The following ZSWIM3 variants were observed in gnomAD, a reference collection of about 807,000 sequenced individuals.
ZSWIM3 encodes zinc finger SWIM domain-containing protein 3.
In ZSWIM3, 27 loss-of-function variants were observed where a neutral mutation model predicts 47.5. The ratio of observed to expected loss-of-function variants is 0.57; its 90% CI spans 0.42 to 0.78. The LOEUF is 0.78. Ranked by LOEUF, ZSWIM3 falls within the 30% of genes least tolerant of loss-of-function variation. The pLI, the probability that ZSWIM3 is intolerant of heterozygous loss-of-function variation, is 0.00. For synonymous variants in ZSWIM3, 333 were observed against 333.9 expected (o/e 1.00, Z 0.03); for missense variants, 689 against 861.3 (o/e 0.80, Z 2.50).
rs1365750948 is a variant in ZSWIM3, at chr20:45,875,475, T to G, written c.156-1239T>G. 1.4e-4 allele frequency among the ~76,000 whole-genome samples: 7 copies of G among 50,114 alleles called. No homozygotes were observed. In the East Asian group the frequency reaches 1.9e-3, roughly 13 times the overall value. 32.9% of individuals were successfully genotyped at this position (50,114 alleles called of 152,430 possible). A position where few individuals can be genotyped will look rare whatever the true frequency, so the allele number is the denominator to read the frequency against. ...TAGCACCCAGCCTTCCTTCTTTCCT[T>G]AATTCTATTTTTTTTTTTGTTTGTT... On this transcript the variant is annotated intron_variant, in intron 1 of 1. Coordinates refer to ENST00000255152, the MANE Select transcript of ZSWIM3 (RefSeq NM_080752.4).
At position 45,875,482 on chromosome 20, in the gene ZSWIM3, ATT is replaced by A. The variant is rs11476581; in HGVS notation, c.156-1222_156-1221del. Among the ~76,000 whole-genome samples, 44 of 150,810 alleles carry A rather than the reference ATT, an allele frequency of 2.9e-4. 1 individual carries two copies. The highest frequency in any genetic ancestry group is 1.2e-3 in the East Asian group (6 of 5,080). Reference sequence around the variant, plus strand: ...CAGCCTTCCTTCTTTCCTTAATTCTATTTTTTTTTTTGTTTGTTTGTTTATTT... The same window carrying A: ...CAGCCTTCCTTCTTTCCTTAATTCTATTTTTTTTTGTTTGTTTGTTTATTT... On this transcript the variant is annotated intron_variant, in intron 1 of 1. Transcript: ENST00000255152.
At chr20:45,870,909 G>T (rs551776427) in intron 1 of ZSWIM3, among the ~76,000 whole-genome samples, 113 of 152,154 alleles carry the variant, frequency 7.4e-4, no homozygotes, top group Non-Finnish European at 1.4e-3. Context: ...TGGCCAGGCT[G>T]GTCATGAACT....
chr20:45,865,779 C>G lies in ZSWIM3; in HGVS notation c.155+7799C>G, dbSNP rs190190595. 2.6e-4 allele frequency among the ~76,000 whole-genome samples: 40 copies of G among 151,862 alleles called. No individual in the cohort carries two copies. The East Asian group carries it at 7.8e-3, about 29-fold the overall frequency. ...TTGAGAGGCCGAGGCGGGCAGATCA[C>G]GAGGTCAGGAGATTGAGACCATCCT... On this transcript the variant is annotated intron_variant, in intron 1 of 1. Coordinates refer to ENST00000255152, the MANE Select transcript of ZSWIM3 (RefSeq NM_080752.4).
In ZSWIM3 at chr20:45,870,461, G is replaced by A. The variant is rs1394538874; in HGVS notation, c.156-6253G>A. Among the ~76,000 whole-genome samples, 3 of 152,114 alleles carry A rather than the reference G, an allele frequency of 2.0e-5. No homozygotes were observed. The East Asian group carries it at 5.8e-4, about 29-fold the overall frequency. ...ACCTTAATTGACTTAGATTAGCCCT[G>A]AAGCATGTAGTGATGTGGGGGAGGA... On this transcript the variant is annotated intron_variant, in intron 1 of 1. Coordinates refer to ENST00000255152, the MANE Select transcript of ZSWIM3 (RefSeq NM_080752.4).
chr20:45,873,651 A>G (rs942570775), intron 1 of ZSWIM3, among the ~76,000 whole-genome samples: 9 of 152,356 alleles, frequency 5.9e-5, no homozygotes, highest in Non-Finnish European at 8.8e-5. Flanking sequence ...AATAACAACC[A>G]TAAGATTATC....
chr20:45,865,039 C>T (rs1370421191), intron 1 of ZSWIM3, among the ~76,000 whole-genome samples: 1 of 151,914 alleles, frequency 6.6e-6, no homozygotes, highest in African/African-American at 2.4e-5. Flanking sequence ...GGCATGTAGC[C>T]GGGGCGCAGT....
chr20:45,860,625 T>A (rs910784379), intron 1 of ZSWIM3, among the ~76,000 whole-genome samples: 1 of 151,970 alleles, frequency 6.6e-6, no homozygotes, highest in African/African-American at 2.4e-5. Context: ...AAGCCAGCAG[T>A]AGCAGGTTGA....
rs750376917 is a variant in ZSWIM3, at chr20:45,878,607, AGG to A, written c.2052_2053del (p.Glu685GlyfsTer17). ...CTTTCCTCTGGGGAAAGCAAGAAGA[AGG>A]GGAGGGATTCCCTCCTGCTACAGCT... ...LPFLWGKQEE[G>X]EGFPPATAVM... On this transcript the variant is annotated frameshift_variant, in exon 2 of 2. Transcript: ENST00000255152. LOFTEE classifies it high-confidence loss of function. 6.2e-7 allele frequency: 1 copy of A among 1,612,816 alleles called. No individual in the cohort carries two copies. The highest frequency in any genetic ancestry group is 8.5e-7 in the Non-Finnish European group (1 of 1,178,992).
intron 1 of ZSWIM3, among the ~76,000 whole-genome samples, chr20:45,874,249 C>T (rs757962106): frequency 1.3e-5 from 2 of 152,186 alleles, no homozygotes; most frequent in Non-Finnish European, 2.9e-5. Context: ...CGGTGGCTCA[C>T]GCCTGTAATC....
In ZSWIM3 at chr20:45,876,818, G is replaced by A. The variant is rs200339235; in HGVS notation, c.260G>A (p.Arg87Lys). ...PAYLLLRYNE[R>K]LDRLFISELN... ...TACTTGCTCCTAAGGTACAACGAGA[G>A]ACTAGATAGACTATTTATCAGTGAA... The change falls in exon 2 of 2, where the codon AGA becomes AAA. Residue 87 changes from arginine to lysine, a missense_variant. Coordinates refer to ENST00000255152, the MANE Select transcript of ZSWIM3 (RefSeq NM_080752.4). The A allele has an allele frequency of 1.7e-4, 278 of 1,614,058 alleles. 1 individual carries two copies. Among genetic ancestry groups the A allele is most frequent in the Non-Finnish European group, 2.3e-5 (27 of 1,180,040 alleles).
At chr20:45,859,438 A>AAAAAG (rs71181868) in intron 1 of ZSWIM3, among the ~76,000 whole-genome samples, 5,175 of 146,592 alleles carry the variant, frequency 0.035, 228 homozygotes, top group East Asian at 0.12. Context: ...AAAAAAAAAA[A>AAAAAG]AAGAAATGTA....
rs74176833 is a variant in ZSWIM3 at position 45,870,063 on chromosome 20, AG to A, written c.156-6650del. Among the ~76,000 whole-genome samples, 281 of 145,866 alleles carry A rather than the reference AG, an allele frequency of 1.9e-3. 14 individuals are homozygous for A. The highest frequency in any genetic ancestry group is 1.7e-3 in the Non-Finnish European group (114 of 65,872). ...CGTCTCAAGAAAAAAAAAAAAAAAAAGAAAAGGCCAAGCGTGGTGGCTGTAA... is the reference window on the plus strand; with the variant it reads ...CGTCTCAAGAAAAAAAAAAAAAAAAAAAAAGGCCAAGCGTGGTGGCTGTAA... On this transcript the variant is annotated intron_variant, in intron 1 of 1. Transcript: ENST00000255152.
chr20:45,861,833 T>G (rs1985715712), intron 1 of ZSWIM3, among the ~76,000 whole-genome samples: 1 of 151,986 alleles, frequency 6.6e-6, no homozygotes, highest in Admixed American at 6.6e-5. Context: ...TCCTCCTGCC[T>G]CAGCCTCCCA....
Position 45,877,643 on chromosome 20 carries a change from T to G in ZSWIM3, c.1085T>G (p.Leu362Arg). 1.2e-6 allele frequency: 2 copies of G among 1,614,204 alleles called. No individual in the cohort carries two copies. The highest frequency in any genetic ancestry group is 1.7e-6 in the Non-Finnish European group (2 of 1,180,026). Residue 362 changes from leucine (L) to arginine (R), a missense_variant, in exon 2 of 2, where the codon CTC becomes CGC. Coordinates refer to ENST00000255152, the MANE Select transcript of ZSWIM3 (RefSeq NM_080752.4). ...TCCCAGGCCGTACTGGATGAGGATC[T>G]CTTCAACTTCCTGCAGGCCCACTGG... ...QMSQAVLDED[L>R]FNFLQAHWFT...
At chr20:45,864,295 G>A (rs544258797) in intron 1 of ZSWIM3, among the ~76,000 whole-genome samples, 1 of 152,306 alleles carries the variant, frequency 6.6e-6, no homozygotes, top group East Asian at 1.9e-4. Context: ...CAAGTTGACT[G>A]CTGGTTGTGA....
At position 45,878,598 on chromosome 20, in the gene ZSWIM3, G is replaced by C; in HGVS notation, c.2040G>C (p.Lys680Asn). 6.2e-7 allele frequency: 1 copy of C among 1,613,426 alleles called. No individual in the cohort carries two copies. The highest frequency in any genetic ancestry group is 8.5e-7 in the Non-Finnish European group (1 of 1,179,474). ...DVGRLPFLWGKQEEGEGFPPA... is the reference protein window; with the variant it reads ...DVGRLPFLWGNQEEGEGFPPA... ...GCCGCCTCCCTTTCCTCTGGGGAAAGCAAGAAGAAGGGGAGGGATTCCCTC... is the reference window on the plus strand; with the variant it reads ...GCCGCCTCCCTTTCCTCTGGGGAAACCAAGAAGAAGGGGAGGGATTCCCTC... The change falls in exon 2 of 2, where the codon AAG becomes AAC. Residue 680 changes from lysine (K) to asparagine (N), a missense_variant. Physicochemically the swap from Lys to Asn is moderately conservative, Grantham distance 94 (BLOSUM62 0). Coordinates refer to ENST00000255152, the MANE Select transcript of ZSWIM3 (RefSeq NM_080752.4).
chr20:45,857,727 C>T lies in ZSWIM3; in HGVS notation c.-99C>T. The T allele has an allele frequency of 6.9e-7, 1 of 1,452,556 alleles. No individual in the cohort carries two copies. The highest frequency in any genetic ancestry group is 9.3e-7 in the Non-Finnish European group (1 of 1,070,898). The allele number at this position is 1,452,556 out of a possible 1,614,324, so 90.0% of individuals were successfully genotyped here. On this transcript the variant is annotated 5_prime_UTR_variant, in exon 1 of 2. Coordinates refer to ENST00000255152, the MANE Select transcript of ZSWIM3 (RefSeq NM_080752.4). ...GCGGACCCTTAAGGCATTCTGGGCC[C>T]ACGCCTGCCTATAAACCCTCATAGT...
At position 45,878,526 on chromosome 20, in the gene ZSWIM3, C is replaced by G. The variant is rs774688845; in HGVS notation, c.1968C>G (p.Ser656=). 1 of 1,614,222 alleles carries G rather than the reference C, an allele frequency of 6.2e-7. No individual in the cohort carries two copies. Among genetic ancestry groups the G allele is most frequent in the South Asian group, 1.1e-5 (1 of 91,090 alleles). ...RKIVDIWAGP[S]QPSELFQQPG... is the part of the protein sequence containing the mutation. ...TTGTGGATATCTGGGCTGGCCCCTC[C>G]CAGCCATCTGAGCTCTTTCAGCAGC... The change falls in exon 2 of 2, where the codon TCC becomes TCG. Residue 656 remains serine (S), a synonymous_variant. Coordinates refer to ENST00000255152, the MANE Select transcript of ZSWIM3 (RefSeq NM_080752.4).
chr20:45,876,462 C>T (rs1186914455), intron 1 of ZSWIM3, among the ~76,000 whole-genome samples: 1 of 152,114 alleles, frequency 6.6e-6, no homozygotes, highest in Non-Finnish European at 1.5e-5. Flanking sequence ...TCTCTGCCTC[C>T]TGAATAGCTG....
Sources: allele counts gnomAD v4.1 joint callset (sites outside exome capture counted in the v4.1 genomes callset), GRCh38; gene constraint gnomAD v4.1.1; transcripts MANE v1.5; gene names NCBI Gene and HGNC (gene_info 2026-07-23, HGNC 2026-07-21).